EDIL3: variants seen among roughly 807,000 people sequenced by gnomAD.
EDIL3 encodes the protein EGF-like repeat and discoidin I-like domain-containing protein 3.
A neutral mutation model predicts 67.4 loss-of-function variants in EDIL3; 37 were observed. The ratio of observed to expected loss-of-function variants is 0.55; its 90% confidence interval spans 0.42 to 0.72. The LOEUF is 0.72. Ranked by LOEUF, EDIL3 falls within the 30% of genes least tolerant of loss-of-function variation. The pLI, the probability that EDIL3 is intolerant of heterozygous loss-of-function variation, is 0.00. For missense variants in EDIL3, 527 were observed against 586.3 expected, an observed-to-expected ratio of 0.90 and a Z score of 1.04; for synonymous variants, 195 against 196.3, an observed-to-expected ratio of 0.99 and a Z score of 0.05.
chr5:84,196,684 G>T (rs752270366), intron 3 of EDIL3, among the ~76,000 whole-genome samples: 2 of 151,906 alleles, frequency 1.3e-5, no homozygotes, highest in Non-Finnish European at 2.9e-5. Flanking sequence ...TCTCTGCTAG[G>T]AATGAAACTT....
At chr5:84,054,733 C>G (rs1052222299) in intron 9 of EDIL3, among the ~76,000 whole-genome samples, 1 of 151,850 alleles carries the variant, frequency 6.6e-6, no homozygotes, top group Non-Finnish European at 1.5e-5. Flanking sequence ...AACAAAATAC[C>G]TAGGAATCCA....
At chr5:84,289,796 C>G (rs1484887647) in intron 1 of EDIL3, among the ~76,000 whole-genome samples, 1 of 152,144 alleles carries the variant, frequency 6.6e-6, no homozygotes, top group African/African-American at 2.4e-5. Context: ...AATACGCTTA[C>G]TGAAGTTTTT....
At chr5:84,308,921 A>T (rs1182120401) in intron 1 of EDIL3, among the ~76,000 whole-genome samples, 2 of 152,082 alleles carry the variant, frequency 1.3e-5, no homozygotes, top group South Asian at 2.1e-4. Context: ...ATCACCAATC[A>T]CTCAGTTACT....
At chr5:84,283,121 A>G (rs16901036) in intron 1 of EDIL3, among the ~76,000 whole-genome samples, 4,179 of 152,122 alleles carry the variant, frequency 0.027, 211 homozygotes, top group African/African-American at 0.097. Flanking sequence ...GTATTCATAT[A>G]TAGGAGCAGA....
intron 3 of EDIL3, among the ~76,000 whole-genome samples, chr5:84,185,480 T>C (rs1394522182): frequency 6.6e-6 from 1 of 152,160 alleles, no homozygotes; most frequent in Non-Finnish European, 1.5e-5. Context: ...TTTTCCCTAC[T>C]AGACCATAAA....
intron 3 of EDIL3, among the ~76,000 whole-genome samples, chr5:84,222,994 C>T (rs1219070185): frequency 2.0e-5 from 3 of 151,724 alleles, no homozygotes; most frequent in Admixed American, 2.0e-4. Context: ...TGTGGCCCCA[C>T]TTGTTTATTT....
At chr5:83,990,485 CAAAA>C (rs555170904) in intron 9 of EDIL3, among the ~76,000 whole-genome samples, 1 of 99,270 alleles carries the variant, frequency 1.0e-5, no homozygotes. Context: ...GACTCCATCA[CAAAA>C]AAAAAAAAAA....
At chr5:84,255,206 A>G (rs1745103228) in intron 1 of EDIL3, among the ~76,000 whole-genome samples, 2 of 150,590 alleles carry the variant, frequency 1.3e-5, no homozygotes, top group African/African-American at 4.8e-5. Flanking sequence ...TAAACTCCCA[A>G]CTCTCAAAGT....
At chr5:84,207,855 T>G (rs759621327) in intron 3 of EDIL3, among the ~76,000 whole-genome samples, 377 of 147,732 alleles carry the variant, frequency 2.6e-3, no homozygotes, top group Middle Eastern at 0.01. Context: ...TGTAGAAAGC[T>G]GAAACTGGAT....
intron 9 of EDIL3, among the ~76,000 whole-genome samples, chr5:83,987,821 C>T (rs1745079468): frequency 6.8e-6 from 1 of 147,588 alleles, no homozygotes; most frequent in African/African-American, 2.6e-5. Context: ...TTTCACATTT[C>T]TTTGGGTTAG....
chr5:84,088,971 T>C (rs1205587913), intron 6 of EDIL3, among the ~76,000 whole-genome samples: 1 of 152,204 alleles, frequency 6.6e-6, no homozygotes, highest in African/African-American at 2.4e-5. Flanking sequence ...TACACTCATT[T>C]AGAACCTCAA....
At chr5:84,087,997 A>C (rs1167403516) in intron 6 of EDIL3, among the ~76,000 whole-genome samples, 1 of 152,210 alleles carries the variant, frequency 6.6e-6, no homozygotes, top group African/African-American at 2.4e-5. Flanking sequence ...GCTGGAACTC[A>C]CAGAGTAAAT....
At chr5:84,066,398 A>G in intron 7 of EDIL3, 53 bp downstream of exon 7, 2 of 1,506,674 alleles carry the variant, frequency 1.3e-6, no homozygotes, top group South Asian at 1.3e-5. Flanking sequence ...TTGATAATCA[A>G]TAATTATCAA....
At chr5:84,056,565 A>G (rs1213618885) in intron 9 of EDIL3, among the ~76,000 whole-genome samples, 1 of 152,166 alleles carries the variant, frequency 6.6e-6, no homozygotes, top group Non-Finnish European at 1.5e-5. Context: ...ACAATTAGGC[A>G]TGAGGGTATT....
At chr5:84,224,167 G>C (rs1261688231) in intron 3 of EDIL3, among the ~76,000 whole-genome samples, 3 of 151,436 alleles carry the variant, frequency 2.0e-5, no homozygotes, top group African/African-American at 7.3e-5. Flanking sequence ...TTATTGTATA[G>C]CTGCAAGATC....
intron 1 of EDIL3, among the ~76,000 whole-genome samples, chr5:84,260,312 G>A (rs764445779): frequency 2.2e-4 from 33 of 152,166 alleles, no homozygotes; most frequent in African/African-American, 7.7e-4. Flanking sequence ...AAAGCCTAAC[G>A]AAGAGCATTC....
intron 1 of EDIL3, among the ~76,000 whole-genome samples, chr5:84,354,061 A>G (rs1442139706): frequency 6.6e-6 from 1 of 152,238 alleles, no homozygotes; most frequent in Non-Finnish European, 1.5e-5. Flanking sequence ...TACTTATGTA[A>G]TAAGAATCTT....
intron 9 of EDIL3, among the ~76,000 whole-genome samples, chr5:84,017,167 C>T (rs1351446034): frequency 2.0e-5 from 3 of 152,214 alleles, no homozygotes; most frequent in Admixed American, 6.6e-5. Flanking sequence ...TTTCCCCCCA[C>T]ATTCAACCTA....
intron 3 of EDIL3, among the ~76,000 whole-genome samples, chr5:84,182,588 T>C (rs940640224): frequency 1.3e-5 from 2 of 152,192 alleles, no homozygotes; most frequent in African/African-American, 4.8e-5. Flanking sequence ...GGCAACTTTG[T>C]CATGCACTGG....
Sources: gnomAD v4.1 joint callset for allele counts (sites outside exome capture counted in the v4.1 genomes callset) on GRCh38, gnomAD v4.1.1 for gene constraint, MANE v1.5 for transcripts, NCBI Gene and HGNC (gene_info 2026-07-23, HGNC 2026-07-21) for gene names.